Variants in WDR49 observed in about 807,000 individuals in gnomAD.
WDR49 encodes WD repeat domain 49, also known as cilia- and flagella-associated protein 337.
WDR49 carries 107 observed loss-of-function variants against 119.5 expected under a neutral mutation model. The ratio of observed to expected loss-of-function variants is 0.90; its 90% CI spans 0.77 to 1.05. The LOEUF (loss-of-function observed/expected upper bound fraction) is 1.05. Ranked by LOEUF, WDR49 falls within the 50% of genes least tolerant of loss-of-function variation. The pLI, the probability that WDR49 is intolerant of heterozygous loss-of-function variation, is 0.00. For synonymous variants in WDR49, 425 were observed against 418.8 expected, an observed-to-expected ratio of 1.01 and a Z score of -0.18; for missense variants, 1,240 against 1,220.5, an observed-to-expected ratio of 1.02 and a Z score of -0.24.
At chr3:167,480,189 C>CA (rs1366931475) in intron 18 of WDR49, among the ~76,000 whole-genome samples, 1 of 136,766 alleles carries the variant, frequency 7.3e-6, no homozygotes, top group Non-Finnish European at 1.5e-5. Context: ...GCAGAGTTTG[C>CA]AGTGAGCCGA....
intron 10 of WDR49, among the ~76,000 whole-genome samples, chr3:167,554,043 T>C: frequency 6.6e-6 from 1 of 152,058 alleles, no homozygotes; most frequent in East Asian, 1.9e-4. Context: ...TAATGGACAA[T>C]ATATTTTCAA....
At chr3:167,510,115 C>T (rs756597727) in intron 16 of WDR49, among the ~76,000 whole-genome samples, 8 of 152,096 alleles carry the variant, frequency 5.3e-5, no homozygotes, top group Non-Finnish European at 1.0e-4. Flanking sequence ...CCAGGCACAG[C>T]GGCTCATGCC....
chr3:167,488,827 A>C (rs926031643), intron 18 of WDR49, among the ~76,000 whole-genome samples: 4 of 152,028 alleles, frequency 2.6e-5, no homozygotes, highest in Non-Finnish European at 5.9e-5. Flanking sequence ...CTCTAATCTC[A>C]TCTGATACCA....
intron 16 of WDR49, among the ~76,000 whole-genome samples, chr3:167,521,396 G>C (rs977350648): frequency 6.6e-6 from 1 of 152,100 alleles, no homozygotes; most frequent in Admixed American, 6.6e-5. Flanking sequence ...CTCAAGAACA[G>C]CAATGCTACC....
chr3:167,611,977 C>A (rs772164420), intron 5 of WDR49, among the ~76,000 whole-genome samples: 1 of 152,086 alleles, frequency 6.6e-6, no homozygotes, highest in Non-Finnish European at 1.5e-5. Flanking sequence ...CACTATGGAC[C>A]AAGTGGATCC....
chr3:167,618,347 T>C (rs1577280988), intron 5 of WDR49, among the ~76,000 whole-genome samples: 2 of 152,324 alleles, frequency 1.3e-5, no homozygotes, highest in East Asian at 3.9e-4. Context: ...AGTCTATAAT[T>C]AATCTTTCTT....
intron 15 of WDR49, among the ~76,000 whole-genome samples, chr3:167,523,546 T>A (rs1232902952): frequency 2.6e-5 from 4 of 152,026 alleles, no homozygotes; most frequent in Admixed American, 2.6e-4. Flanking sequence ...CTACCTCCCC[T>A]TTCCCCCACC....
At chr3:167,554,614 AG>A in intron 10 of WDR49, 35 bp downstream of exon 10, 1 of 1,342,908 alleles carries the variant, frequency 7.4e-7, no homozygotes, top group Admixed American at 2.3e-5. Context: ...TTTTTCTTTT[AG>A]ATTTTGATTA....
Position 167,626,973 on chromosome 3 carries a change from CCTT to C in WDR49, c.482_484del (p.Glu161del), listed in dbSNP as rs1189240437. 4.5e-6 allele frequency: 6 copies of C among 1,339,056 alleles called. No individual in the cohort carries two copies. In the African/African-American group the frequency reaches 7.5e-5, roughly 17 times the overall value. The allele number at this position is 1,339,056 out of a possible 1,614,324, so 82.9% of individuals were successfully genotyped here. ...ATGCTCTCCCCAGATTGCCAATAAA[CCTT>C]CTTTACTAATTGTCAGATAATGACT... On this transcript the variant is annotated inframe_deletion, in exon 3 of 19. Coordinates refer to ENST00000682715, the MANE Select transcript of WDR49 (RefSeq NM_001366157.1).
intron 17 of WDR49, among the ~76,000 whole-genome samples, chr3:167,504,909 T>C (rs1553860680): frequency 6.6e-6 from 1 of 152,140 alleles, no homozygotes; most frequent in Non-Finnish European, 1.5e-5. Context: ...CTCTTGCTCC[T>C]GCTGTCACCC....
intron 16 of WDR49, among the ~76,000 whole-genome samples, chr3:167,518,878 A>C (rs912782293): frequency 2.6e-5 from 4 of 151,552 alleles, no homozygotes; most frequent in Admixed American, 2.6e-4. Flanking sequence ...CTTATCCATC[A>C]GACAAAGAGC....
In WDR49 at chr3:167,531,219, T is replaced by C. The variant is rs1369346711; in HGVS notation, c.2114A>G (p.Asp705Gly). The change falls in exon 13 of 19, where the codon GAC becomes GGC. Residue 705 changes from aspartate to glycine, a missense_variant. Transcript: ENST00000682715. ...GTTGCGGACTCCCGTGGTAGAATGG[T>C]CTGCCATGGGGTGGGAGGGTTGGCT... ...GRSQPSHPMA[D>G]HSTTGVRNFE... 1 of 1,611,578 alleles carries C rather than the reference T, an allele frequency of 6.2e-7. No homozygotes were observed. Among genetic ancestry groups the C allele is most frequent in the African/African-American group, 1.3e-5 (1 of 74,820 alleles).
At chr3:167,532,245 G>A (rs1392504488) in intron 12 of WDR49, among the ~76,000 whole-genome samples, 1 of 152,072 alleles carries the variant, frequency 6.6e-6, no homozygotes, top group East Asian at 1.9e-4. Context: ...ACCTCACTGG[G>A]CCATGAAGAA....
intron 2 of WDR49, among the ~76,000 whole-genome samples, chr3:167,629,396 T>C (rs180770365): frequency 7.0e-4 from 106 of 152,234 alleles, no homozygotes; most frequent in Non-Finnish European, 1.4e-3. Flanking sequence ...AAAATATTCC[T>C]TTTAAAAGGG....
intron 2 of WDR49, among the ~76,000 whole-genome samples, chr3:167,631,356 T>C (rs1202470454): frequency 6.6e-6 from 1 of 152,038 alleles, no homozygotes; most frequent in Non-Finnish European, 1.5e-5. Context: ...TTGTTTACAA[T>C]ATGAGAGCTG....
At chr3:167,577,462 G>C (rs1714306398) in intron 7 of WDR49, among the ~76,000 whole-genome samples, 2 of 152,112 alleles carry the variant, frequency 1.3e-5, no homozygotes, top group East Asian at 3.9e-4. Flanking sequence ...GTAACCTAGG[G>C]TCAGATTTCC....
rs142173685 is a variant in WDR49, at chr3:167,580,234, C to T, written c.1276-4083G>A. Among the ~76,000 whole-genome samples, 443 of 152,262 alleles carry T rather than the reference C, an allele frequency of 2.9e-3. 2 individuals carry two copies. Among genetic ancestry groups the T allele is most frequent in the African/African-American group, 0.01 (425 of 41,552 alleles). On this transcript the variant is annotated intron_variant, in intron 7 of 18. Coordinates refer to ENST00000682715, the MANE Select transcript of WDR49 (RefSeq NM_001366157.1). ...GGCAACCCTAAACTCTCTCAACTAA[C>T]GATCCCACTAAGTCCACCTTCCATC...
At chr3:167,656,308 A>C (rs1378993020), upstream of WDR49, among the ~76,000 whole-genome samples, 1 of 152,178 alleles carries the variant, frequency 6.6e-6, no homozygotes, top group East Asian at 1.9e-4. Flanking sequence ...TTATCACCCT[A>C]GTTAGTAAGT....
intron 10 of WDR49, among the ~76,000 whole-genome samples, chr3:167,541,014 T>TA (rs1360723942): frequency 2.0e-5 from 3 of 151,610 alleles, no homozygotes; most frequent in African/African-American, 7.3e-5. Context: ...AAATAATTTC[T>TA]AAAAAAAATG....
Sources: allele counts gnomAD v4.1 joint callset (sites outside exome capture counted in the v4.1 genomes callset), GRCh38; gene constraint gnomAD v4.1.1; transcripts MANE v1.5; gene names NCBI Gene and HGNC (gene_info 2026-07-23, HGNC 2026-07-21).